The following PCLO variants were observed in gnomAD, a reference collection of about 807,000 sequenced individuals.
PCLO encodes the protein protein piccolo.
In PCLO, 82 loss-of-function variants were observed where a neutral mutation model predicts 427.5. That is an observed-to-expected ratio of 0.19 (90% CI 0.16 to 0.23). The LOEUF is 0.23. Ranked by LOEUF, PCLO falls within the 10% of genes least tolerant of loss-of-function variation. PCLO has a pLI of 1.00. For missense variants in PCLO, 6,239 were observed against 6,115.9 expected, an observed-to-expected ratio of 1.02 and a Z score of -0.67; for synonymous variants, 2,357 against 2,155.4, an observed-to-expected ratio of 1.09 and a Z score of -2.59.
chr7:82,839,305 G>A (rs1792307733), intron 14 of PCLO, among the ~76,000 whole-genome samples: 2 of 151,992 alleles, frequency 1.3e-5, no homozygotes, highest in Non-Finnish European at 2.9e-5. Context: ...ATACTTTCCT[G>A]TAAAACTTCA....
chr7:82,831,842 A>G (rs1378591620), intron 16 of PCLO, among the ~76,000 whole-genome samples: 3 of 152,198 alleles, frequency 2.0e-5, no homozygotes, highest in Non-Finnish European at 2.9e-5. Context: ...CCATTCTTCA[A>G]TAACAGTTGT....
chr7:83,001,505 A>AACATACACACACACAC (rs1787822540), intron 3 of PCLO, among the ~76,000 whole-genome samples: 2 of 149,050 alleles, frequency 1.3e-5, no homozygotes, highest in African/African-American at 4.9e-5. Context: ...CACACATACA[A>AACATACACACACACAC]ACACACACAC....
chr7:82,820,535 C>T (rs2115630086), intron 20 of PCLO: 1 of 1,224,272 alleles, frequency 8.2e-7, no homozygotes, highest in Non-Finnish European at 1.0e-6. Flanking sequence ...ATTCACATGC[C>T]CAACACATCT....
chr7:82,883,994 T>A (rs1202306829), intron 9 of PCLO, among the ~76,000 whole-genome samples: 1 of 152,084 alleles, frequency 6.6e-6, no homozygotes, highest in Non-Finnish European at 1.5e-5. Context: ...TGGTCTCAAA[T>A]TCCTGACCTC....
chr7:82,991,622 A>G (rs2115844710), intron 3 of PCLO, among the ~76,000 whole-genome samples: 1 of 152,294 alleles, frequency 6.6e-6, no homozygotes, highest in African/African-American at 2.4e-5. Context: ...AAGTATATGT[A>G]AATTCTAAAC....
chr7:82,822,994 C>A (rs983623883), intron 19 of PCLO, among the ~76,000 whole-genome samples: 1 of 152,064 alleles, frequency 6.6e-6, no homozygotes, highest in African/African-American at 2.4e-5. Flanking sequence ...CTAATTCCAG[C>A]AGAGGTCAGG....
intron 15 of PCLO, among the ~76,000 whole-genome samples, chr7:82,836,896 A>G (rs906887004): frequency 1.3e-5 from 2 of 152,144 alleles, no homozygotes; most frequent in African/African-American, 4.8e-5. Flanking sequence ...TCATATAATT[A>G]AAATGCTTTT....
intron 16 of PCLO, among the ~76,000 whole-genome samples, chr7:82,834,266 A>C (rs1361727806): frequency 1.3e-5 from 2 of 152,180 alleles, no homozygotes; most frequent in Non-Finnish European, 2.9e-5. Flanking sequence ...TTCTAAAAAT[A>C]ACACTATTTC....
At chr7:83,116,609 T>C (rs1298265553) in intron 3 of PCLO, among the ~76,000 whole-genome samples, 1 of 152,212 alleles carries the variant, frequency 6.6e-6, no homozygotes, top group Non-Finnish European at 1.5e-5. Flanking sequence ...AACATATGTT[T>C]GACCTCACAT....
intron 10 of PCLO, among the ~76,000 whole-genome samples, chr7:82,872,906 T>C (rs1793272102): frequency 6.6e-6 from 1 of 152,092 alleles, no homozygotes; most frequent in Admixed American, 6.6e-5. Flanking sequence ...ATTCTTTAAA[T>C]AAAATTTTTC....
intron 3 of PCLO, among the ~76,000 whole-genome samples, chr7:82,993,149 A>C (rs1252828671): frequency 2.6e-5 from 4 of 151,998 alleles, no homozygotes; most frequent in African/African-American, 9.7e-5. Context: ...GTACCTTTAT[A>C]ATTCTATATA....
chr7:82,801,710 C>T (rs1166546679), intron 21 of PCLO, 119 bp from the exon 22 acceptor site: 1 of 625,988 alleles, frequency 1.6e-6, no homozygotes, highest in East Asian at 2.8e-5. Flanking sequence ...ATTACTTTTG[C>T]ACAACCGAAT....
intron 9 of PCLO, among the ~76,000 whole-genome samples, chr7:82,891,575 G>GA (rs1793767102): frequency 6.6e-6 from 1 of 152,082 alleles, no homozygotes. Context: ...ACACTATGTT[G>GA]AATAGGAGTG....
intron 10 of PCLO, among the ~76,000 whole-genome samples, chr7:82,875,252 GT>G (rs1254950736): frequency 6.6e-6 from 1 of 152,010 alleles, no homozygotes; most frequent in Non-Finnish European, 1.5e-5. Flanking sequence ...ATTTTTAATA[GT>G]AAAGTTCTTG....
Position 82,949,804 on chromosome 7 carries a change from G to T in PCLO, c.10784C>A (p.Pro3595His). 1 of 1,613,780 alleles carries T rather than the reference G, an allele frequency of 6.2e-7. No individual in the cohort carries two copies. Among genetic ancestry groups the T allele is most frequent in the Non-Finnish European group, 8.5e-7 (1 of 1,179,856 alleles). ...SPPKDKKRPT[P>H]LEIGYSSHLR... ...GTGAGATGAATAACCAATCTCTAAAGGTGTTGGGCGTTTCTTGTCTTTGGG... is the reference window on the plus strand; with the variant it reads ...GTGAGATGAATAACCAATCTCTAAATGTGTTGGGCGTTTCTTGTCTTTGGG... The change falls in exon 6 of 25, where the codon CCT (proline) becomes CAT (histidine). Residue 3595 changes from proline to histidine, a missense_variant. Around this residue, in one of 5 missense-constraint regions of PCLO, gnomAD observed 4,677 missense variants for 4,468.4 expected, o/e 1.05. Transcript: ENST00000333891.
At chr7:82,986,013 A>G (rs1742781185) in intron 3 of PCLO, among the ~76,000 whole-genome samples, 2 of 151,978 alleles carry the variant, frequency 1.3e-5, no homozygotes, top group African/African-American at 4.8e-5. Context: ...CTTATTTCTC[A>G]CAGAGCTTTT....
intron 6 of PCLO, among the ~76,000 whole-genome samples, chr7:82,921,707 T>C (rs1282326337): frequency 6.6e-6 from 1 of 151,782 alleles, no homozygotes; most frequent in Non-Finnish European, 1.5e-5. Context: ...TGATGAAGAC[T>C]CTGAAAGCAA....
chr7:83,038,077 A>C (rs1193162585), intron 3 of PCLO, among the ~76,000 whole-genome samples: 2 of 79,502 alleles, frequency 2.5e-5, no homozygotes, highest in Non-Finnish European at 4.8e-5. Flanking sequence ...ATATATTTAT[A>C]TATATATCTT....
chr7:82,805,553 G>C, intron 21 of PCLO, 135 bp downstream of exon 21: 1 of 725,242 alleles, frequency 1.4e-6, no homozygotes, highest in Non-Finnish European at 2.3e-6. Context: ...TTTTACATAG[G>C]CATTAACAGT....
Sources: gnomAD v4.1 joint callset for allele counts (sites outside exome capture counted in the v4.1 genomes callset) on GRCh38, gnomAD v4.1.1 for gene constraint, gnomAD v4.1.1 regional missense constraint, MANE v1.5 for transcripts, NCBI Gene and HGNC (gene_info 2026-07-23, HGNC 2026-07-21) for gene names.